Variants in DIAPH3 observed in about 807,000 individuals in gnomAD.
DIAPH3 encodes the protein diaphanous related formin 3.
DIAPH3 carries 117 observed loss-of-function variants against 144.3 expected under a neutral mutation model. The ratio of observed to expected loss-of-function variants is 0.81; its 90% CI spans 0.70 to 0.95. The LOEUF is 0.95. Ranked by LOEUF, DIAPH3 falls within the 40% of genes least tolerant of loss-of-function variation. The pLI, the probability that DIAPH3 is intolerant of heterozygous loss-of-function variation, is 0.00. For missense variants in DIAPH3, 1,421 were observed against 1,412.7 expected, an observed-to-expected ratio of 1.01 and a Z score of -0.09; for synonymous variants, 519 against 488.9, an observed-to-expected ratio of 1.06 and a Z score of -0.81.
At chr13:59,970,797 C>A in intron 16 of DIAPH3, 55 bp downstream of exon 16, 3 of 1,486,636 alleles carry the variant, frequency 2.0e-6, no homozygotes, top group East Asian at 2.4e-5. Context: ...ATATATAAAT[C>A]CAAAATTAGA....
intron 22 of DIAPH3, among the ~76,000 whole-genome samples, chr13:59,860,763 A>G (rs1257472125): frequency 6.6e-6 from 1 of 152,108 alleles, no homozygotes; most frequent in Non-Finnish European, 1.5e-5. Flanking sequence ...AAGAAAAAGA[A>G]AAAGAAAATT....
chr13:59,924,594 C>A (rs1413683065), intron 18 of DIAPH3, among the ~76,000 whole-genome samples, 181 bp downstream of exon 18: 2 of 151,114 alleles, frequency 1.3e-5, no homozygotes, highest in East Asian at 1.9e-4. Context: ...TTCTAATATG[C>A]ACTTATCTTT....
At chr13:60,096,023 G>A (rs950863510) in intron 3 of DIAPH3, among the ~76,000 whole-genome samples, 7 of 152,272 alleles carry the variant, frequency 4.6e-5, no homozygotes, top group African/African-American at 1.7e-4. Flanking sequence ...AGTAGTCATG[G>A]CCAATTGTTT....
chr13:60,058,819 C>T (rs1262357094), intron 4 of DIAPH3, among the ~76,000 whole-genome samples: 1 of 151,904 alleles, frequency 6.6e-6, no homozygotes, highest in Non-Finnish European at 1.5e-5. Flanking sequence ...TCAAATATTG[C>T]ATGTTCTCAT....
At chr13:59,799,484 T>G (rs2039793226) in intron 25 of DIAPH3, among the ~76,000 whole-genome samples, 1 of 151,950 alleles carries the variant, frequency 6.6e-6, no homozygotes, top group Non-Finnish European at 1.5e-5. Context: ...TAAATTAAAC[T>G]GCATTTATAG....
At chr13:59,897,323 G>A (rs2046163784) in intron 20 of DIAPH3, among the ~76,000 whole-genome samples, 1 of 152,238 alleles carries the variant, frequency 6.6e-6, no homozygotes, top group South Asian at 2.1e-4. Flanking sequence ...GGAATTATGA[G>A]GTTGTCTATA....
chr13:60,052,959 T>TAAAAAAAAAAAAAAA (rs559991017), intron 4 of DIAPH3, among the ~76,000 whole-genome samples: 1,671 of 40,420 alleles, frequency 0.041, 119 homozygotes, highest in African/African-American at 0.047. Context: ...GACTCCCTCT[T>TAAAAAAAAAAAAAAA]AAAAAAAAAA....
intron 15 of DIAPH3, 150 bp downstream of exon 15, chr13:59,974,201 CA>C (rs1187032207): frequency 3.5e-5 from 23 of 661,610 alleles, no homozygotes; most frequent in Admixed American, 2.8e-4. Context: ...AAAAAAATGA[CA>C]AAAAAATAGC....
chr13:59,883,007 G>A (rs1044289439), intron 20 of DIAPH3, among the ~76,000 whole-genome samples: 13 of 152,084 alleles, frequency 8.5e-5, no homozygotes, highest in African/African-American at 2.9e-4. Flanking sequence ...GAACCCTAAG[G>A]GTAATTTTAT....
At chr13:59,688,445 A>G (rs2033330878) in intron 27 of DIAPH3, among the ~76,000 whole-genome samples, 1 of 152,084 alleles carries the variant, frequency 6.6e-6, no homozygotes, top group East Asian at 1.9e-4. Flanking sequence ...TTTCAACCTC[A>G]CAAGTAAGTC....
At chr13:59,842,299 C>G (rs749857847) in intron 22 of DIAPH3, among the ~76,000 whole-genome samples, 11 of 152,046 alleles carry the variant, frequency 7.2e-5, no homozygotes, top group Non-Finnish European at 1.6e-4. Context: ...TCTGCTCAAC[C>G]AATTTTATTA....
intron 27 of DIAPH3, among the ~76,000 whole-genome samples, chr13:59,674,220 G>A (rs554807906): frequency 9.2e-5 from 14 of 152,240 alleles, no homozygotes; most frequent in Admixed American, 7.8e-4. Context: ...CTTTATATAT[G>A]GCTATTCTAT....
At chr13:60,044,713 T>C (rs927126285) in intron 4 of DIAPH3, among the ~76,000 whole-genome samples, 1 of 152,198 alleles carries the variant, frequency 6.6e-6, no homozygotes, top group African/African-American at 2.4e-5. Flanking sequence ...TATTTGCATA[T>C]ATTTATATTT....
intron 27 of DIAPH3, among the ~76,000 whole-genome samples, chr13:59,732,634 G>C (rs1458040398): frequency 1.3e-5 from 2 of 151,734 alleles, no homozygotes; most frequent in Admixed American, 6.6e-5. Flanking sequence ...GTAGATACAG[G>C]GTTTCACCAC....
At chr13:59,920,891 T>C (rs542572365) in intron 18 of DIAPH3, among the ~76,000 whole-genome samples, 1 of 151,994 alleles carries the variant, frequency 6.6e-6, no homozygotes, top group South Asian at 2.1e-4. Flanking sequence ...ATATCAAGTA[T>C]ATTTTCTGAC....
chr13:59,842,060 T>C (rs1357921201), intron 22 of DIAPH3, among the ~76,000 whole-genome samples: 2 of 152,208 alleles, frequency 1.3e-5, no homozygotes, highest in Middle Eastern at 3.4e-3. Flanking sequence ...AATAAACAGA[T>C]ATAATTTTCA....
chr13:59,967,053 G>A (rs577490181), intron 17 of DIAPH3, among the ~76,000 whole-genome samples: 4 of 151,808 alleles, frequency 2.6e-5, no homozygotes, highest in South Asian at 2.1e-4. Context: ...GGGTTTGCCT[G>A]TTTTTGTTTT....
At chr13:59,694,146 C>T (rs2033675860) in intron 27 of DIAPH3, among the ~76,000 whole-genome samples, 1 of 152,068 alleles carries the variant, frequency 6.6e-6, no homozygotes, top group Admixed American at 6.6e-5. Context: ...TAGTTAGCCT[C>T]AGTGACATCA....
At chr13:59,970,572 T>C (rs1202843638) in intron 16 of DIAPH3, among the ~76,000 whole-genome samples, 2 of 152,204 alleles carry the variant, frequency 1.3e-5, no homozygotes, top group Non-Finnish European at 2.9e-5. Flanking sequence ...CAATAATGTT[T>C]AATTATCAAT....
Sources: gnomAD v4.1 joint callset for allele counts (sites outside exome capture counted in the v4.1 genomes callset) on GRCh38, gnomAD v4.1.1 for gene constraint, MANE v1.5 for transcripts, NCBI Gene and HGNC (gene_info 2026-07-23, HGNC 2026-07-21) for gene names.